The following DNAJB6 variants were observed in gnomAD, a reference collection of about 807,000 sequenced individuals.
DNAJB6 encodes the protein dnaJ homolog subfamily B member 6.
Under a neutral mutation model 42.7 loss-of-function variants are expected in DNAJB6, and 16 were observed. That is an observed-to-expected ratio of 0.37 (90% CI 0.25 to 0.57). The LOEUF (loss-of-function observed/expected upper bound fraction) is 0.57. DNAJB6 is among the 20% of genes least tolerant of loss of function. The pLI, the probability that DNAJB6 is intolerant of heterozygous loss-of-function variation, is 0.74. For synonymous variants in DNAJB6, 170 were observed against 163.5 expected (o/e 1.04, Z -0.30); for missense variants, 347 against 416.8 (o/e 0.83, Z 1.46).
rs1554450151 is a variant in DNAJB6 at position 157,340,997 on chromosome 7, T to TGCGCGC, written c.-27+3858_-27+3863dup. On this transcript the variant is annotated intron_variant, in intron 1 of 9. Coordinates refer to ENST00000262177, the MANE Select transcript of DNAJB6 (RefSeq NM_058246.4). Reference sequence around the variant, plus strand: ...GTGTGTGTGTGTGTGTGTGTGTGTGTGCGCGCGCGCAGGTGGAATCACCCT... The same window carrying TGCGCGC: ...GTGTGTGTGTGTGTGTGTGTGTGTGTGCGCGCGCGCGCGCGCAGGTGGAATCACCCT... Among the ~76,000 whole-genome samples the TGCGCGC allele has an allele frequency of 3.1e-3, 367 of 118,386 alleles. 1 individual carries two copies. The highest frequency in any genetic ancestry group is 1.0e-2 in the African/African-American group (351 of 35,264). The allele number at this position is 118,386 out of a possible 152,430, so 77.7% of individuals were successfully genotyped here. A position where few individuals can be genotyped will look rare whatever the true frequency, so the allele number is the denominator to read the frequency against.
intron 5 of DNAJB6, chr7:157,371,017 A>G (rs1800182644): frequency 6.6e-6 from 1 of 152,272 alleles, no homozygotes. Context: ...GCAGGCAAGC[A>G]TTACTGCCTG....
At chr7:157,392,099 CAAAAA>C (rs57861175) in intron 8 of DNAJB6, among the ~76,000 whole-genome samples, 1 of 112,260 alleles carries the variant, frequency 8.9e-6, no homozygotes, top group Non-Finnish European at 1.8e-5. Context: ...GACCCTGTCT[CAAAAA>C]AAAAAAAAAA....
intron 5 of DNAJB6, among the ~76,000 whole-genome samples, chr7:157,376,762 T>C (rs1800495253): frequency 6.6e-6 from 1 of 152,270 alleles, no homozygotes; most frequent in South Asian, 2.1e-4. Context: ...GCACCTGTAA[T>C]CCCAGCTACT....
At chr7:157,413,961 A>AT (rs1466190192) in intron 9 of DNAJB6, 2 of 152,040 alleles carry the variant, frequency 1.3e-5, no homozygotes, top group African/African-American at 4.8e-5. Context: ...ACCTCAGGTG[A>AT]TCCCCCCGCT....
chr7:157,392,524 T>G (rs11981080), intron 8 of DNAJB6, among the ~76,000 whole-genome samples: 7,194 of 152,216 alleles, frequency 0.047, 560 homozygotes, highest in African/African-American at 0.16. Context: ...TTGGAAAGGT[T>G]GTTGTGTGGG....
chr7:157,391,070 G>C (rs1176947881), intron 8 of DNAJB6, among the ~76,000 whole-genome samples: 1 of 152,080 alleles, frequency 6.6e-6, no homozygotes. Flanking sequence ...TCTTGGGCTC[G>C]AGCGCATCAC....
At chr7:157,343,454 C>T (rs1025190017) in intron 1 of DNAJB6, among the ~76,000 whole-genome samples, 1 of 151,714 alleles carries the variant, frequency 6.6e-6, no homozygotes, top group African/African-American at 2.4e-5. Context: ...CTCACCTGGC[C>T]TCAGATGAAT....
At chr7:157,342,333 ATTTTTTTTTTTTT>A (rs11329531) in intron 1 of DNAJB6, among the ~76,000 whole-genome samples, 1 of 60,406 alleles carries the variant, frequency 1.7e-5, no homozygotes, top group Non-Finnish European at 2.8e-5. Flanking sequence ...ATCCTGGCTA[ATTTTTTTTTTTTT>A]TTTTTTTTTT....
intron 2 of DNAJB6, among the ~76,000 whole-genome samples, chr7:157,361,522 A>G (rs1799596927): frequency 6.6e-6 from 1 of 152,160 alleles, no homozygotes; most frequent in African/African-American, 2.4e-5. Flanking sequence ...TCCAGCTTTA[A>G]TCAGATTTTA....
intron 8 of DNAJB6, among the ~76,000 whole-genome samples, chr7:157,409,313 G>C (rs1371140761): frequency 6.6e-6 from 1 of 152,206 alleles, no homozygotes; most frequent in African/African-American, 2.4e-5. Context: ...CGGGGCTGTG[G>C]CTCCCGTGGG....
chr7:157,378,613 C>G (rs554952882), intron 5 of DNAJB6: 1 of 152,262 alleles, frequency 6.6e-6, no homozygotes, highest in Non-Finnish European at 1.5e-5. Context: ...CAAGTCTGCA[C>G]TTCACATGCT....
chr7:157,343,059 T>C (rs1463751877), intron 1 of DNAJB6, among the ~76,000 whole-genome samples: 1 of 152,152 alleles, frequency 6.6e-6, no homozygotes, highest in African/African-American at 2.4e-5. Context: ...CGGCGTGATC[T>C]TGGCTCACTG....
At chr7:157,360,168 G>A (rs1799505612) in intron 2 of DNAJB6, among the ~76,000 whole-genome samples, 1 of 152,224 alleles carries the variant, frequency 6.6e-6, no homozygotes, top group South Asian at 2.1e-4. Context: ...TTGACTTACA[G>A]TTCCACATGG....
chr7:157,358,513 A>G, intron 1 of DNAJB6, 34 bp from the exon 2 acceptor site: 1 of 1,420,286 alleles, frequency 7.0e-7, no homozygotes, highest in Non-Finnish European at 9.9e-7. Flanking sequence ...CATCCCCAGC[A>G]GCCTCATCAC....
chr7:157,407,908 G>A (rs747797854), intron 8 of DNAJB6, among the ~76,000 whole-genome samples: 5 of 152,186 alleles, frequency 3.3e-5, no homozygotes, highest in East Asian at 1.9e-4. Flanking sequence ...GGGCCTGGTC[G>A]GGCGCCCTGG....
intron 8 of DNAJB6, among the ~76,000 whole-genome samples, chr7:157,393,268 C>T (rs948313796): frequency 6.6e-5 from 10 of 152,148 alleles, no homozygotes; most frequent in East Asian, 3.8e-4. Flanking sequence ...TGAGCCACTG[C>T]GCCTCGCCTA....
rs774874052 is a variant in DNAJB6, at chr7:157,358,627, A to G, written c.55A>G (p.Ile19Val). 6.2e-7 allele frequency: 1 copy of G among 1,612,584 alleles called. No homozygotes were observed. The highest frequency in any genetic ancestry group is 1.1e-5 in the South Asian group (1 of 91,058). ...GCAGAGACATGCCTCACCCGAGGATATTAAAAAGGCGTAAGTAGTTTTATT... is the reference window on the plus strand; with the variant it reads ...GCAGAGACATGCCTCACCCGAGGATGTTAAAAAGGCGTAAGTAGTTTTATT... The part of the protein sequence containing the change: ...GVQRHASPED[I>V]KKAYRKLALK... The change falls in exon 2 of 10, where the codon ATT becomes GTT. Residue 19 changes from isoleucine to valine, a missense_variant. Ile to Val is a conservative substitution (Grantham distance 29, BLOSUM62 3). Coordinates refer to ENST00000262177, the MANE Select transcript of DNAJB6 (RefSeq NM_058246.4).
intron 5 of DNAJB6, among the ~76,000 whole-genome samples, chr7:157,374,987 T>C (rs1233174242): frequency 1.3e-5 from 2 of 152,246 alleles, no homozygotes; most frequent in Admixed American, 6.5e-5. Context: ...TGGTCCCTGG[T>C]CAACTTGTGG....
At chr7:157,410,149 C>T (rs1004926795) in intron 9 of DNAJB6, 148 bp downstream of exon 9, 10 of 1,407,732 alleles carry the variant, frequency 7.1e-6, no homozygotes, top group Non-Finnish European at 9.2e-6. Flanking sequence ...GAGGTAGCCT[C>T]GCTCTGCTCC....
Sources: gnomAD v4.1 joint callset for allele counts (sites outside exome capture counted in the v4.1 genomes callset) on GRCh38, gnomAD v4.1.1 for gene constraint, MANE v1.5 for transcripts, NCBI Gene and HGNC (gene_info 2026-07-23, HGNC 2026-07-21) for gene names.